The following XPO4 variants were observed in gnomAD, a reference collection of about 807,000 sequenced individuals.
The protein encoded by XPO4 is exportin 4, also known as exportin-4.
A neutral mutation model predicts 143.0 loss-of-function variants in XPO4; 39 were observed. That is an observed-to-expected ratio of 0.27 (90% CI 0.21 to 0.36). XPO4 has a LOEUF of 0.36. XPO4 is among the 10% of genes least tolerant of loss of function. The pLI, the probability that XPO4 is intolerant of heterozygous loss-of-function variation, is 1.00. For synonymous variants in XPO4, 439 were observed against 474.0 expected (o/e 0.93, Z 0.96); for missense variants, 907 against 1,348.0 (o/e 0.67, Z 5.12).
At chr13:20,806,692 A>G (rs1402817593) in intron 13 of XPO4, among the ~76,000 whole-genome samples, 1 of 151,518 alleles carries the variant, frequency 6.6e-6, no homozygotes, top group Non-Finnish European at 1.5e-5. Context: ...AGCTGGGACT[A>G]CAGGCGTACA....
intron 9 of XPO4, among the ~76,000 whole-genome samples, chr13:20,813,660 C>T (rs1463859915): frequency 6.6e-6 from 1 of 152,062 alleles, no homozygotes; most frequent in African/African-American, 2.4e-5. Flanking sequence ...TAGGTTTATA[C>T]TTTAGGAGAG....
In XPO4 at chr13:20,880,648, T is replaced by G. The variant is rs141121462; in HGVS notation, c.70-11947A>C. 3.3e-5 allele frequency among the ~76,000 whole-genome samples: 5 copies of G among 152,262 alleles called. No homozygotes were observed. The East Asian group carries it at 9.6e-4, about 29-fold the overall frequency. Reference sequence around the variant, plus strand: ...CATTGTATATTCACACAATGGAATATTCTTCAGAAATAAAAAGGAATGAAG... The same window carrying G: ...CATTGTATATTCACACAATGGAATAGTCTTCAGAAATAAAAAGGAATGAAG... On this transcript the variant is annotated intron_variant, in intron 1 of 22. Transcript: ENST00000255305.
chr13:20,814,768 T>G (rs2059627651), intron 9 of XPO4, among the ~76,000 whole-genome samples: 1 of 152,210 alleles, frequency 6.6e-6, no homozygotes, highest in South Asian at 2.1e-4. Flanking sequence ...CTTACGAGAC[T>G]ACTTGACCCC....
intron 18 of XPO4, among the ~76,000 whole-genome samples, chr13:20,795,111 T>C (rs972687244): frequency 1.3e-5 from 2 of 151,808 alleles, no homozygotes; most frequent in Admixed American, 6.6e-5. Flanking sequence ...GTGGATATTA[T>C]AGCACCCAAC....
chr13:20,866,112 G>GT lies in XPO4; in HGVS notation c.175+2483dup, dbSNP rs1566615761. On this transcript the variant is annotated intron_variant, in intron 2 of 22. Coordinates refer to ENST00000255305, the MANE Select transcript of XPO4 (RefSeq NM_022459.5). The stretch of plus-strand genomic sequence containing the variant: ...TCTTTAACAAGAACAGAACTCACTT[G>GT]TTTTTTTAAAGGAACATTTGATCCT... 7.1e-6 allele frequency: 7 copies of GT among 985,120 alleles called. No homozygotes were observed. The South Asian group carries it at 1.9e-4, about 26-fold the overall frequency. The allele number at this position is 985,120 out of a possible 1,614,324, so 61.0% of individuals were successfully genotyped here.
At chr13:20,883,582 T>C (rs1442969891) in intron 1 of XPO4, among the ~76,000 whole-genome samples, 5 of 152,162 alleles carry the variant, frequency 3.3e-5, no homozygotes, top group African/African-American at 4.8e-5. Flanking sequence ...GAAATGTCTA[T>C]CTAGAAAAAT....
At chr13:20,898,621 T>C (rs907379978) in intron 1 of XPO4, among the ~76,000 whole-genome samples, 2 of 151,966 alleles carry the variant, frequency 1.3e-5, no homozygotes, top group African/African-American at 2.4e-5. Flanking sequence ...TCAGTTAATA[T>C]GTGTGCTCTG....
At chr13:20,881,581 T>TCACTAAGGCCAGGTGAGG (rs1465329082) in intron 1 of XPO4, among the ~76,000 whole-genome samples, 2 of 152,078 alleles carry the variant, frequency 1.3e-5, no homozygotes, top group Non-Finnish European at 2.9e-5. Flanking sequence ...ATAATTTTTT[T>TCACTAAGGCCAGGTGAGG]TAAAAGCAAG....
rs115078376 is a variant in XPO4, at chr13:20,896,783, G to A, written c.69+5887C>T. On this transcript the variant is annotated intron_variant, in intron 1 of 22. Coordinates refer to ENST00000255305, the MANE Select transcript of XPO4 (RefSeq NM_022459.5). ...AAATAACAGTTATATTAGGACTCCC[G>A]TTTTACTTCTGAGGATATCATCATT... is the stretch of plus-strand genomic sequence containing the variant. Among the ~76,000 whole-genome samples, 669 of 152,122 alleles carry A rather than the reference G, an allele frequency of 4.4e-3. 10 individuals are homozygous for A. Among genetic ancestry groups the A allele is most frequent in the African/African-American group, 0.015 (637 of 41,498 alleles).
chr13:20,785,894 A>G (rs1278175377), intron 22 of XPO4, among the ~76,000 whole-genome samples: 2 of 69,612 alleles, frequency 2.9e-5, no homozygotes, highest in Non-Finnish European at 3.2e-5. Flanking sequence ...GGGAGAAAGA[A>G]AGAAAGAGGA....
chr13:20,787,136 G>C, intron 21 of XPO4, 79 bp from the exon 22 acceptor site: 1 of 1,187,456 alleles, frequency 8.4e-7, no homozygotes, highest in South Asian at 1.5e-5. Flanking sequence ...CAAAAAAGAA[G>C]AAGAGAGGGT....
intron 13 of XPO4, among the ~76,000 whole-genome samples, chr13:20,801,344 C>T (rs899348904): frequency 1.3e-5 from 2 of 152,170 alleles, no homozygotes; most frequent in South Asian, 2.1e-4. Flanking sequence ...ACATGCCAAA[C>T]TCTTTTAGCA....
chr13:20,864,748 A>C (rs2060229918), intron 2 of XPO4, among the ~76,000 whole-genome samples: 1 of 152,126 alleles, frequency 6.6e-6, no homozygotes. Flanking sequence ...GTTATAGAAG[A>C]TGAATATTCA....
At position 20,855,655 on chromosome 13, in the gene XPO4, T is replaced by C; in HGVS notation, c.428A>G (p.Gln143Arg). 1.9e-6 allele frequency: 3 copies of C among 1,610,734 alleles called. No homozygotes were observed. The highest frequency in any genetic ancestry group is 2.5e-6 in the Non-Finnish European group (3 of 1,179,276). ...DCKSIFHEVS[Q>R]LISSGNPTVQ... ...AGTGGGATTGCCACTACTAATCAAC[T>C]GGCTGACTTCATGAAAAATGCTTTT... is the stretch of plus-strand genomic sequence containing the variant. Residue 143 changes from glutamine (Q) to arginine (R), a missense_variant, in exon 4 of 23, where the codon CAG (glutamine) becomes CGG (arginine). Coordinates refer to ENST00000255305, the MANE Select transcript of XPO4 (RefSeq NM_022459.5).
chr13:20,898,583 C>T (rs548501047), intron 1 of XPO4, among the ~76,000 whole-genome samples: 2 of 151,634 alleles, frequency 1.3e-5, no homozygotes, highest in South Asian at 4.2e-4. Context: ...AAAAAAAAAA[C>T]CTATGAAAAT....
chr13:20,851,854 T>G, intron 4 of XPO4: 1 of 985,410 alleles, frequency 1.0e-6, no homozygotes, highest in Non-Finnish European at 1.2e-6. Context: ...CAAAATCTTC[T>G]CTAACTGAAC....
intron 6 of XPO4, among the ~76,000 whole-genome samples, chr13:20,830,985 C>A (rs1182175819): frequency 6.6e-6 from 1 of 151,894 alleles, no homozygotes; most frequent in Admixed American, 6.6e-5. Context: ...TCTTTACATT[C>A]AAAATAATAT....
At chr13:20,836,342 T>A (rs142385452) in intron 6 of XPO4, among the ~76,000 whole-genome samples, 2 of 152,224 alleles carry the variant, frequency 1.3e-5, no homozygotes, top group East Asian at 1.9e-4. Context: ...TAACAGACGA[T>A]GTTGACTACC....
intron 9 of XPO4, among the ~76,000 whole-genome samples, chr13:20,815,554 T>A (rs1484929102): frequency 1.3e-5 from 2 of 150,926 alleles, no homozygotes; most frequent in Admixed American, 1.4e-4. Flanking sequence ...CATGCTAAGG[T>A]AGTTAGTTTG....
Sources: allele counts gnomAD v4.1 joint callset (sites outside exome capture counted in the v4.1 genomes callset), GRCh38; gene constraint gnomAD v4.1.1; transcripts MANE v1.5; gene names NCBI Gene and HGNC (gene_info 2026-07-23, HGNC 2026-07-21).